Variants in HNRNPC observed in about 807,000 individuals in gnomAD.
HNRNPC encodes the protein heterogeneous nuclear ribonucleoprotein C.
HNRNPC carries 3 observed loss-of-function variants against 33.2 expected under a neutral mutation model. That is an observed-to-expected ratio of 0.09 (90% confidence interval 0.04 to 0.23). HNRNPC has a LOEUF of 0.23. Among genes scored for constraint, HNRNPC ranks in the 10% least tolerant of loss-of-function variants. The pLI is 1.00. For missense variants in HNRNPC, 143 were observed against 366.7 expected (o/e 0.39, Z 4.98); for synonymous variants, 121 against 126.7 (o/e 0.96, Z 0.30).
chr14:21,219,600 A>G (rs1224443982), intron 5 of HNRNPC, among the ~76,000 whole-genome samples: 1 of 152,196 alleles, frequency 6.6e-6, no homozygotes, highest in Non-Finnish European at 1.5e-5. Context: ...AGTTTCCAAG[A>G]TACTTCATGC....
At chr14:21,231,858 T>TTG (rs1279971759) in intron 3 of HNRNPC, among the ~76,000 whole-genome samples, 1 of 152,190 alleles carries the variant, frequency 6.6e-6, no homozygotes, top group Admixed American at 6.5e-5. Flanking sequence ...TCATTCCGAA[T>TTG]TATTACAAAT....
At chr14:21,236,127 C>G (rs569858894) in intron 2 of HNRNPC, among the ~76,000 whole-genome samples, 1 of 152,212 alleles carries the variant, frequency 6.6e-6, no homozygotes, top group African/African-American at 2.4e-5. Flanking sequence ...TCATACCCCA[C>G]GGCATTTTTC....
intron 5 of HNRNPC, among the ~76,000 whole-genome samples, chr14:21,219,808 G>C (rs1892626070): frequency 6.6e-6 from 1 of 152,044 alleles, no homozygotes; most frequent in African/African-American, 2.4e-5. Context: ...TCTCCAAACG[G>C]ATCAACTTTA....
At chr14:21,226,999 G>C (rs985972407) in intron 5 of HNRNPC, among the ~76,000 whole-genome samples, 1 of 151,088 alleles carries the variant, frequency 6.6e-6, no homozygotes, top group Admixed American at 6.6e-5. Context: ...ATTTAACATA[G>C]TCAATGAAGT....
intron 5 of HNRNPC, among the ~76,000 whole-genome samples, chr14:21,224,736 CA>C (rs1893217647): frequency 4.6e-5 from 7 of 152,128 alleles, no homozygotes; most frequent in Admixed American, 4.6e-4. Context: ...ACATTCTTTA[CA>C]ATTTACTTTA....
intron 2 of HNRNPC, among the ~76,000 whole-genome samples, chr14:21,240,124 C>G (rs556373422): frequency 6.1e-4 from 93 of 152,220 alleles, no homozygotes; most frequent in African/African-American, 2.2e-3. Context: ...TTATCATATG[C>G]TCTATCCTGA....
intron 2 of HNRNPC, among the ~76,000 whole-genome samples, chr14:21,261,114 G>A (rs1283755162): frequency 6.6e-6 from 1 of 152,078 alleles, no homozygotes; most frequent in Non-Finnish European, 1.5e-5. Flanking sequence ...AGGCTTACAG[G>A]CAGGTACCAA....
chr14:21,248,930 G>T (rs557865194), intron 2 of HNRNPC, among the ~76,000 whole-genome samples: 4 of 152,068 alleles, frequency 2.6e-5, no homozygotes, highest in Non-Finnish European at 4.4e-5. Context: ...GCCTGACAAT[G>T]AGTACAAATT....
intron 2 of HNRNPC, among the ~76,000 whole-genome samples, chr14:21,260,016 G>A (rs1298998043): frequency 1.3e-5 from 2 of 149,986 alleles, no homozygotes; most frequent in East Asian, 3.9e-4. Flanking sequence ...CGGCTAAAAC[G>A]GTGAAACCCC....
chr14:21,262,871 AAAAAC>A (rs1878458630), intron 2 of HNRNPC: 1 of 152,238 alleles, frequency 6.6e-6, no homozygotes, highest in South Asian at 2.1e-4. Context: ...TTAAAAATAA[AAAAAC>A]AAAAATAAAA....
intron 4 of HNRNPC, 89 bp from the exon 5 acceptor site, chr14:21,230,455 C>A: frequency 1.2e-6 from 1 of 862,236 alleles, no homozygotes; most frequent in Non-Finnish European, 1.9e-6. Context: ...CCAAATAAAC[C>A]ACAACAAATA....
intron 2 of HNRNPC, among the ~76,000 whole-genome samples, chr14:21,255,187 A>G (rs185777344): frequency 5.8e-4 from 88 of 152,306 alleles, no homozygotes; most frequent in Non-Finnish European, 8.4e-4. Context: ...GTACTCTACT[A>G]AACTCCTAAA....
At chr14:21,220,516 A>G (rs1217694501) in intron 5 of HNRNPC, among the ~76,000 whole-genome samples, 1 of 152,240 alleles carries the variant, frequency 6.6e-6, no homozygotes, top group Non-Finnish European at 1.5e-5. Context: ...GGCGTCAGCC[A>G]CCACTCTCGG....
At chr14:21,267,673 C>CGTGGCAAACAGTTCG in intron 1 of HNRNPC, among the ~76,000 whole-genome samples, 6 of 152,098 alleles carry the variant, frequency 3.9e-5, no homozygotes, top group African/African-American at 1.4e-4. Flanking sequence ...ATATAAATAC[C>CGTGGCAAACAGTTCG]GTGGCAAACA....
chr14:21,223,416 A>G (rs1893061744), intron 5 of HNRNPC, among the ~76,000 whole-genome samples: 3 of 152,082 alleles, frequency 2.0e-5, no homozygotes. Context: ...ACAATAAGAA[A>G]CTAATCTAAA....
At chr14:21,267,951 A>C (rs1393077576) in intron 1 of HNRNPC, among the ~76,000 whole-genome samples, 3 of 152,196 alleles carry the variant, frequency 2.0e-5, no homozygotes, top group South Asian at 2.1e-4. Flanking sequence ...TTTAAGCCTT[A>C]AGAAAGGGGT....
chr14:21,259,139 T>C (rs988170042), intron 2 of HNRNPC, among the ~76,000 whole-genome samples: 1 of 152,204 alleles, frequency 6.6e-6, no homozygotes, highest in African/African-American at 2.4e-5. Flanking sequence ...TTTTCCAGTA[T>C]TATTTCTTAC....
At chr14:21,231,423 A>G in intron 3 of HNRNPC, 1 of 462,222 alleles carries the variant, frequency 2.2e-6, no homozygotes, top group Non-Finnish European at 4.3e-6. Context: ...GTGATGCAAT[A>G]ATGGCTCAAT....
intron 2 of HNRNPC, among the ~76,000 whole-genome samples, chr14:21,244,799 A>T (rs917504187): frequency 6.6e-6 from 1 of 152,172 alleles, no homozygotes; most frequent in Non-Finnish European, 1.5e-5. Flanking sequence ...AAACCTGCAT[A>T]GCATGCACAG....
Sources: gnomAD v4.1 joint callset for allele counts (sites outside exome capture counted in the v4.1 genomes callset) on GRCh38, gnomAD v4.1.1 for gene constraint, MANE v1.5 for transcripts, NCBI Gene and HGNC (gene_info 2026-07-23, HGNC 2026-07-21) for gene names.